BAZ2B: variants seen among roughly 807,000 people sequenced by gnomAD.
The protein encoded by BAZ2B is bromodomain adjacent to zinc finger domain protein 2B.
A neutral mutation model predicts 246.0 loss-of-function variants in BAZ2B; 91 were observed. That is an observed-to-expected ratio of 0.37 (90% CI 0.31 to 0.44). The LOEUF (loss-of-function observed/expected upper bound fraction) is 0.44. Ranked by LOEUF, BAZ2B falls within the 20% of genes least tolerant of loss-of-function variation. The pLI is 1.00. For missense variants in BAZ2B, 2,332 were observed against 2,533.7 expected (o/e 0.92, Z 1.71); for synonymous variants, 855 against 860.0 (o/e 0.99, Z 0.10).
chr2:159,450,941 T>C (rs35585414), intron 4 of BAZ2B, among the ~76,000 whole-genome samples: 48,101 of 151,834 alleles, frequency 0.32, 9,530 homozygotes, highest in Non-Finnish European at 0.46. Flanking sequence ...GGTTTGGCTA[T>C]GTTGGTGAGG....
At chr2:159,375,764 T>A (rs55634852) in intron 25 of BAZ2B, among the ~76,000 whole-genome samples, 69 of 152,280 alleles carry the variant, frequency 4.5e-4, no homozygotes, top group Non-Finnish European at 8.7e-4. Context: ...TGCCAGCTCA[T>A]GAATATGTGG....
At chr2:159,621,333 C>T (rs564764343), upstream of BAZ2B, among the ~76,000 whole-genome samples, 1 of 152,138 alleles carries the variant, frequency 6.6e-6, no homozygotes, top group African/African-American at 2.4e-5. Context: ...GGTGGGGGGT[C>T]AAGTATTTCT....
chr2:159,502,608 T>TAG (rs930279596), intron 2 of BAZ2B, among the ~76,000 whole-genome samples: 8 of 152,272 alleles, frequency 5.3e-5, no homozygotes, highest in African/African-American at 1.7e-4. Flanking sequence ...TACTCCAGCC[T>TAG]AGGCAATAGA....
chr2:159,611,660 C>T (rs1039784739), intron 1 of BAZ2B, among the ~76,000 whole-genome samples: 9 of 151,750 alleles, frequency 5.9e-5, no homozygotes, highest in Admixed American at 5.9e-4. Flanking sequence ...TTTGTAATGG[C>T]AAATTATTTT....
At chr2:159,638,414 A>G in the BAZ2B span, among the ~76,000 whole-genome samples, 1 of 152,258 alleles carries the variant, frequency 6.6e-6, no homozygotes, top group Non-Finnish European at 1.5e-5. Flanking sequence ...GACACCAGGG[A>G]ACAATCCTGG....
At chr2:159,602,135 T>G (rs919221400) in intron 1 of BAZ2B, among the ~76,000 whole-genome samples, 10 of 152,110 alleles carry the variant, frequency 6.6e-5, no homozygotes, top group Non-Finnish European at 1.2e-4. Context: ...GCATAAAGAT[T>G]TCAGTTTAAA....
intron 27 of BAZ2B, among the ~76,000 whole-genome samples, chr2:159,370,459 C>A (rs1400129917): frequency 1.3e-5 from 2 of 148,624 alleles, no homozygotes; most frequent in South Asian, 2.1e-4. Flanking sequence ...CAAGCTCCGT[C>A]TCCCGGGTTC....
At chr2:159,678,104 A>C in the BAZ2B span, among the ~76,000 whole-genome samples, 191 of 152,326 alleles carry the variant, frequency 1.3e-3, no homozygotes, top group African/African-American at 4.4e-3. Flanking sequence ...CACTAGAAAA[A>C]ATAAGGAGCA....
chr2:159,602,847 T>A (rs2151769199), intron 1 of BAZ2B, among the ~76,000 whole-genome samples: 1 of 152,266 alleles, frequency 6.6e-6, no homozygotes, highest in Non-Finnish European at 1.5e-5. Context: ...TATAATAACA[T>A]AAAGTGAGGC....
At chr2:159,631,013 G>A in the BAZ2B span, among the ~76,000 whole-genome samples, 2 of 152,096 alleles carry the variant, frequency 1.3e-5, no homozygotes, top group East Asian at 3.9e-4. Flanking sequence ...CGGCAACGTG[G>A]TGAAACCCCA....
chr2:159,594,601 A>G (rs1436593638), intron 1 of BAZ2B, among the ~76,000 whole-genome samples: 1 of 151,586 alleles, frequency 6.6e-6, no homozygotes, highest in Non-Finnish European at 1.5e-5. Flanking sequence ...ATAAATTCTC[A>G]TGTTCAAGTA....
intron 36 of BAZ2B, 149 bp downstream of exon 36, chr2:159,324,661 CA>C: frequency 5.9e-6 from 2 of 341,828 alleles, no homozygotes; most frequent in East Asian, 5.2e-5. Flanking sequence ...CACACACACA[CA>C]CACACACACA....
At chr2:159,572,578 T>C (rs1684273310) in intron 1 of BAZ2B, among the ~76,000 whole-genome samples, 1 of 152,190 alleles carries the variant, frequency 6.6e-6, no homozygotes, top group South Asian at 2.1e-4. Flanking sequence ...GAACAATAAA[T>C]AGAAGATATA....
intron 13 of BAZ2B, among the ~76,000 whole-genome samples, chr2:159,423,476 T>G (rs950875609): frequency 6.6e-6 from 1 of 152,074 alleles, no homozygotes; most frequent in African/African-American, 2.4e-5. Flanking sequence ...TCAAAGAACT[T>G]AAAAACAGAA....
chr2:159,430,780 C>A, intron 10 of BAZ2B, 83 bp downstream of exon 10: 1 of 1,519,236 alleles, frequency 6.6e-7, no homozygotes, highest in Non-Finnish European at 8.8e-7. Context: ...CCAGTGAGAT[C>A]ATCTCCAGAA....
At chr2:159,315,978 CAG>C (rs568780157), downstream of BAZ2B, among the ~76,000 whole-genome samples, 162 of 152,128 alleles carry the variant, frequency 1.1e-3, 4 homozygotes, top group African/African-American at 3.7e-3. Context: ...GAAACAGAAA[CAG>C]AATTTAAAAA....
intron 33 of BAZ2B, among the ~76,000 whole-genome samples, chr2:159,334,766 T>TA (rs2148938925): frequency 6.6e-6 from 1 of 152,364 alleles, no homozygotes; most frequent in South Asian, 2.1e-4. Flanking sequence ...TATATCAATA[T>TA]AAAGGCAGGT....
At chr2:159,652,653 A>T in the BAZ2B span, among the ~76,000 whole-genome samples, 1 of 152,078 alleles carries the variant, frequency 6.6e-6, no homozygotes, top group Non-Finnish European at 1.5e-5. Flanking sequence ...TCTATTGCCC[A>T]AAGGCTTCAT....
At chr2:159,327,019 TA>T (rs1398625445) in intron 34 of BAZ2B, among the ~76,000 whole-genome samples, 1 of 151,848 alleles carries the variant, frequency 6.6e-6, no homozygotes, top group Non-Finnish European at 1.5e-5. Context: ...CAAAGTCACA[TA>T]ATCAGTGTAG....
Sources: gnomAD v4.1 joint callset for allele counts (sites outside exome capture counted in the v4.1 genomes callset) on GRCh38, gnomAD v4.1.1 for gene constraint, MANE v1.5 for transcripts, NCBI Gene and HGNC (gene_info 2026-07-23, HGNC 2026-07-21) for gene names.